IL13RA1: variants seen among roughly 807,000 people sequenced by gnomAD.
The protein encoded by IL13RA1 is interleukin-13 receptor subunit alpha-1.
Under a neutral mutation model 33.8 loss-of-function variants are expected in IL13RA1, and 14 were observed. That is an observed-to-expected ratio of 0.41 (90% CI 0.27 to 0.65). The LOEUF (loss-of-function observed/expected upper bound fraction) is 0.65, where lower values mean the gene tolerates loss of function less well. Ranked by LOEUF, IL13RA1 falls within the 30% of genes least tolerant of loss-of-function variation. IL13RA1 has a pLI of 0.28. For synonymous variants in IL13RA1, 116 were observed against 115.7 expected, an observed-to-expected ratio of 1.00 and a Z score of -0.02; for missense variants, 313 against 327.0, an observed-to-expected ratio of 0.96 and a Z score of 0.33.
At chrX:118,761,418 G>A in intron 6 of IL13RA1, 129 bp downstream of exon 6, 1 of 367,808 alleles carries the variant, frequency 2.7e-6, no homozygotes, top group Middle Eastern at 7.8e-4. Flanking sequence ...GAAACTTCTT[G>A]TCTAAAATAA....
intron 8 of IL13RA1, among the ~76,000 whole-genome samples, chrX:118,767,709 C>G (rs192219631): frequency 6.0e-4 from 67 of 111,663 alleles, no homozygotes; most frequent in African/African-American, 1.9e-3. Flanking sequence ...AAGCTAGGCT[C>G]AAGTACAGGA....
chrX:118,788,305 G>T (rs1326027265), intron 10 of IL13RA1, among the ~76,000 whole-genome samples: 3 of 111,585 alleles, frequency 2.7e-5, no homozygotes, highest in African/African-American at 9.8e-5. Context: ...CATCTTCTTC[G>T]CAGAATTTTT....
chrX:118,762,333 G>A (rs1207977272), intron 6 of IL13RA1, among the ~76,000 whole-genome samples: 2 of 112,493 alleles, frequency 1.8e-5, no homozygotes, highest in East Asian at 5.6e-4. Flanking sequence ...GGCGCCTTAA[G>A]ACCATGAAGA....
At chrX:118,741,588 A>T (rs1476386038) in intron 2 of IL13RA1, among the ~76,000 whole-genome samples, 1 of 111,679 alleles carries the variant, frequency 9.0e-6, no homozygotes, top group Non-Finnish European at 1.9e-5. Context: ...GGCCATATGG[A>T]AAGTGAAAAA....
chrX:118,784,090 A>AATATAT (rs1556372974), intron 10 of IL13RA1, among the ~76,000 whole-genome samples: 1 of 63,959 alleles, frequency 1.6e-5, no homozygotes, highest in Non-Finnish European at 2.5e-5. Context: ...AAAAAAAAAA[A>AATATAT]ATATATATAT....
rs2017553042 is a variant in IL13RA1, at chrX:118,758,111, A to G, written c.545A>G (p.Tyr182Cys). Residue 182 changes from tyrosine (Y) to cysteine (C), a missense_variant, in exon 5 of 11, where the codon TAC (tyrosine) becomes TGC (cysteine). By Grantham distance (194) the Tyr-to-Cys change is radical. Transcript: ENST00000371666. ...GAAAACATCTTTAGAGAAGGCCAAT[A>G]CTTTGGTTGTTCCTTTGATCTGACC... Reference protein sequence around the residue: ...QCENIFREGQYFGCSFDLTKV... With the variant: ...QCENIFREGQCFGCSFDLTKV... The G allele has an allele frequency of 8.6e-7, 1 of 1,166,587 alleles. No homozygotes were observed. The highest frequency in any genetic ancestry group is 2.2e-5 in the Admixed American group (1 of 45,392).
chrX:118,740,686 G>A (rs1603208069), intron 1 of IL13RA1, among the ~76,000 whole-genome samples: 1 of 112,074 alleles, frequency 8.9e-6, no homozygotes, highest in African/African-American at 3.2e-5. Context: ...CCAGTAACAG[G>A]CTAGGTGAAT....
At chrX:118,767,256 A>G (rs746624395) in intron 8 of IL13RA1, among the ~76,000 whole-genome samples, 2 of 112,235 alleles carry the variant, frequency 1.8e-5, no homozygotes, top group Non-Finnish European at 3.8e-5. Flanking sequence ...GAAAGCAGGC[A>G]TAGGCTGCAC....
At chrX:118,799,170 A>G (rs2018049962), downstream of IL13RA1, among the ~76,000 whole-genome samples, 1 of 112,932 alleles carries the variant, frequency 8.9e-6, no homozygotes, top group Admixed American at 9.2e-5. Flanking sequence ...TCGATTTCTC[A>G]CCGAGCCTTA....
intron 5 of IL13RA1, among the ~76,000 whole-genome samples, chrX:118,759,850 G>A (rs2017572429): frequency 9.0e-6 from 1 of 111,279 alleles, no homozygotes; most frequent in Admixed American, 9.6e-5. Flanking sequence ...ACAGCTCACT[G>A]CAGCCTTGAC....
At chrX:118,774,168 T>C (rs866997690) in intron 9 of IL13RA1, among the ~76,000 whole-genome samples, 193 bp downstream of exon 9, 4 of 106,680 alleles carry the variant, frequency 3.7e-5, no homozygotes, top group African/African-American at 1.0e-4. Flanking sequence ...TTTTTTTTTT[T>C]CCTGAGATGG....
intron 1 of IL13RA1, among the ~76,000 whole-genome samples, chrX:118,731,438 G>C (rs183895284): frequency 9.0e-6 from 1 of 110,896 alleles, no homozygotes; most frequent in Non-Finnish European, 1.9e-5. Flanking sequence ...TTAGCCAGGC[G>C]TGGCAGTGCA....
intron 1 of IL13RA1, among the ~76,000 whole-genome samples, chrX:118,735,098 C>T (rs945808972): frequency 5.5e-5 from 6 of 109,720 alleles, no homozygotes; most frequent in Non-Finnish European, 1.1e-4. Context: ...CTCTTATAAC[C>T]CTTTTTATTT....
chrX:118,746,838 C>G (rs1396058772), intron 2 of IL13RA1, 116 bp from the exon 3 acceptor site: 19 of 520,501 alleles, frequency 3.7e-5, no homozygotes, highest in Non-Finnish European at 5.9e-5. Flanking sequence ...AATCACTGAT[C>G]TATACCATTT....
At chrX:118,778,021 C>T (rs181010017) in intron 10 of IL13RA1, among the ~76,000 whole-genome samples, 4 of 111,000 alleles carry the variant, frequency 3.6e-5, no homozygotes, top group African/African-American at 1.3e-4. Flanking sequence ...CTCTGTGACT[C>T]AATTTTTTCA....
intron 10 of IL13RA1, among the ~76,000 whole-genome samples, chrX:118,788,045 G>T (rs756433455): frequency 8.9e-6 from 1 of 111,976 alleles, no homozygotes; most frequent in Non-Finnish European, 1.9e-5. Context: ...AGTGATAAAT[G>T]TCTATGAAAT....
At chrX:118,804,003 C>G in the IL13RA1 span, among the ~76,000 whole-genome samples, 1 of 98,829 alleles carries the variant, frequency 1.0e-5, no homozygotes, top group East Asian at 3.2e-4. Context: ...GTTGCCCAGG[C>G]TGGAGTGCAA....
chrX:118,799,586 G>A, the IL13RA1 span, among the ~76,000 whole-genome samples: 67 of 110,151 alleles, frequency 6.1e-4, no homozygotes, highest in African/African-American at 2.2e-3. Context: ...CTCAGGGATT[G>A]TAAACACACC....
At chrX:118,750,175 CAT>C (rs976433768) in intron 4 of IL13RA1, among the ~76,000 whole-genome samples, 6 of 111,217 alleles carry the variant, frequency 5.4e-5, no homozygotes, top group Non-Finnish European at 7.5e-5. Context: ...AATTTTATCA[CAT>C]GTGAAGATAT....
Sources: allele counts gnomAD v4.1 joint callset (sites outside exome capture counted in the v4.1 genomes callset), GRCh38; gene constraint gnomAD v4.1.1; transcripts MANE v1.5; gene names NCBI Gene and HGNC (gene_info 2026-07-23, HGNC 2026-07-21).